The following CCS variants were observed in gnomAD, a reference collection of about 807,000 sequenced individuals.
CCS encodes superoxide dismutase copper chaperone.
Under a neutral mutation model 35.5 loss-of-function variants are expected in CCS, and 32 were observed. That is an observed-to-expected ratio of 0.90 (90% CI 0.68 to 1.21). The LOEUF (loss-of-function observed/expected upper bound fraction) is 1.21. Among genes scored for constraint, CCS ranks in the 50% most tolerant of loss-of-function variants. The pLI is 0.00. For missense variants in CCS, 342 were observed against 375.4 expected (o/e 0.91, Z 0.73); for synonymous variants, 130 against 147.2 (o/e 0.88, Z 0.84).
At chr11:66,596,063 A>G (rs1456303046) in intron 2 of CCS, among the ~76,000 whole-genome samples, 1 of 152,068 alleles carries the variant, frequency 6.6e-6, no homozygotes, top group African/African-American at 2.4e-5. Context: ...TGCCCCCTCT[A>G]ATAGCTTTTG....
At chr11:66,605,084 C>T in intron 5 of CCS, 1 of 1,450,910 alleles carries the variant, frequency 6.9e-7, no homozygotes, top group Non-Finnish European at 9.1e-7. Flanking sequence ...GTCATCCTGC[C>T]CAGGATTTCA....
chr11:66,599,475 AG>A lies in CCS; in HGVS notation c.268del (p.Val90TrpfsTer19). 3 of 1,540,988 alleles carry A rather than the reference AG, an allele frequency of 1.9e-6. No homozygotes were observed. In the Admixed American group the frequency reaches 6.6e-5, roughly 34 times the overall value. ...SGQLQNLGAAVAILGGPGTVQ... is the reference protein window; with the variant it reads ...SGQLQNLGAAXAILGGPGTVQ... The stretch of plus-strand genomic sequence containing the variant: ...ACCTTGCAGAGAATCTGGGGGCAGC[AG>A]TGGCCATCCTGGGGGGGCCTGGCAC... On this transcript the variant is annotated frameshift_variant, in exon 4 of 8. Transcript: ENST00000533244. LOFTEE classifies it high-confidence loss of function.
Position 66,605,354 on chromosome 11 carries a change from G to A in CCS, c.505G>A (p.Gly169Ser). 2 of 1,614,162 alleles carry A rather than the reference G, an allele frequency of 1.2e-6. No homozygotes were observed. Among genetic ancestry groups the A allele is most frequent in the East Asian group, 2.2e-5 (1 of 44,884 alleles). The change falls in exon 6 of 8, where the codon GGC (glycine) becomes AGC (serine). Residue 169 changes from glycine to serine, a missense_variant. Gly to Ser is a moderately conservative substitution (Grantham distance 56). Transcript: ENST00000533244. ...CTCATTCCAGCACCGCGGAGACCTGGGCAATGTCCGTGCTGATGCTGACGG... is the reference window on the plus strand; with the variant it reads ...CTCATTCCAGCACCGCGGAGACCTGAGCAATGTCCGTGCTGATGCTGACGG... ...QDSDRHRGDL[G>S]NVRADADGRA...
intron 1 of CCS, 129 bp downstream of exon 1, chr11:66,593,429 G>T: frequency 9.4e-7 from 1 of 1,067,086 alleles, no homozygotes. Context: ...GATGAAACTA[G>T]GGTGCGAGGG....
intron 2 of CCS, among the ~76,000 whole-genome samples, chr11:66,597,004 T>G (rs1335823514): frequency 6.6e-6 from 1 of 152,194 alleles, no homozygotes; most frequent in African/African-American, 2.4e-5. Context: ...TTCTCATCTG[T>G]AAAATGGGGA....
At chr11:66,603,307 G>A (rs548872216) in intron 5 of CCS, among the ~76,000 whole-genome samples, 1 of 152,350 alleles carries the variant, frequency 6.6e-6, no homozygotes, top group East Asian at 1.9e-4. Flanking sequence ...GGGCACAGTG[G>A]CTCACGCCTG....
Position 66,605,405 on chromosome 11 carries a change from G to A in CCS, c.556G>A (p.Glu186Lys). Residue 186 changes from glutamate to lysine, a missense_variant, in exon 6 of 8, where the codon GAG becomes AAG. By Grantham distance (56) the Glu-to-Lys change is moderately conservative (BLOSUM62 1). Coordinates refer to ENST00000533244, the MANE Select transcript of CCS (RefSeq NM_005125.2). ...DGRAIFRMED[E>K]QLKVWDVIGR... ...CCGCGCCATCTTCAGAATGGAGGAT[G>A]AGCAGCTGAAGGTAAGGTGGAAAAG... is the stretch of plus-strand genomic sequence containing the variant. 6.2e-7 allele frequency: 1 copy of A among 1,614,180 alleles called. No individual in the cohort carries two copies. The highest frequency in any genetic ancestry group is 8.5e-7 in the Non-Finnish European group (1 of 1,180,036).
At chr11:66,605,125 G>A in intron 5 of CCS, 2 of 1,523,582 alleles carry the variant, frequency 1.3e-6, no homozygotes, top group South Asian at 2.4e-5. Flanking sequence ...AGATGGTCCG[G>A]GACTTCCTGG....
chr11:66,599,723 C>T, intron 4 of CCS, 87 bp downstream of exon 4: 1 of 1,259,380 alleles, frequency 7.9e-7, no homozygotes, highest in Non-Finnish European at 1.1e-6. Context: ...GGCACATACA[C>T]ACAGGCACAA....
At chr11:66,595,118 G>T (rs1055823280) in intron 2 of CCS, among the ~76,000 whole-genome samples, 4 of 152,304 alleles carry the variant, frequency 2.6e-5, no homozygotes, top group Middle Eastern at 6.8e-3. Context: ...TGTTTCTTCT[G>T]TGTTAAATGG....
chr11:66,604,264 T>C (rs1007271680), intron 5 of CCS, among the ~76,000 whole-genome samples: 1 of 152,078 alleles, frequency 6.6e-6, no homozygotes, highest in Admixed American at 6.6e-5. Context: ...AAACCGCTCT[T>C]CAGGGCTCTG....
chr11:66,600,137 A>G (rs1447624302), intron 4 of CCS: 1 of 190,146 alleles, frequency 5.3e-6, no homozygotes, highest in Non-Finnish European at 1.1e-5. Flanking sequence ...TGTCTCAAGA[A>G]AAAAAATAAA....
chr11:66,596,302 T>C (rs1433990911), intron 2 of CCS, among the ~76,000 whole-genome samples: 1 of 152,058 alleles, frequency 6.6e-6, no homozygotes, highest in African/African-American at 2.4e-5. Context: ...CCTGGCCTCA[T>C]GTGATCCACC....
In CCS at chr11:66,599,508, G is replaced by C. The variant is rs1858537106; in HGVS notation, c.300G>C (p.Gln100His). 6.3e-7 allele frequency: 1 copy of C among 1,579,654 alleles called. No individual in the cohort carries two copies. Among genetic ancestry groups the C allele is most frequent in the Non-Finnish European group, 8.6e-7 (1 of 1,164,808 alleles). Residue 100 changes from glutamine to histidine, a missense_variant, in exon 4 of 8, where the codon CAG becomes CAC. Physicochemically the swap from Gln to His is conservative, Grantham distance 24. Coordinates refer to ENST00000533244, the MANE Select transcript of CCS (RefSeq NM_005125.2). ...TCCTGGGGGGGCCTGGCACCGTGCA[G>C]GGGGTGGTGCGCTTCCTACAGCTGA... ...VAILGGPGTV[Q>H]GVVRFLQLTP...
intron 4 of CCS, 123 bp from the exon 5 acceptor site, chr11:66,600,366 G>C: frequency 1.6e-6 from 1 of 606,774 alleles, no homozygotes; most frequent in Non-Finnish European, 2.8e-6. Context: ...GCCCAGCACA[G>C]AGTAGGCCTG....
intron 2 of CCS, among the ~76,000 whole-genome samples, chr11:66,594,225 G>C (rs1003473448): frequency 6.6e-6 from 1 of 152,162 alleles, no homozygotes; most frequent in Non-Finnish European, 1.5e-5. Context: ...CGGGCGTGGT[G>C]GTGGGCGCCT....
intron 4 of CCS, 41 bp downstream of exon 4, chr11:66,599,677 A>T (rs1410543946): frequency 1.3e-6 from 2 of 1,562,972 alleles, no homozygotes; most frequent in Non-Finnish European, 1.7e-6. Flanking sequence ...TCTCAGCTAC[A>T]CATTTTCACA....
chr11:66,599,436 C>A, intron 3 of CCS, 23 bp from the exon 4 acceptor site: 2 of 1,516,462 alleles, frequency 1.3e-6, no homozygotes, highest in South Asian at 1.3e-5. Flanking sequence ...GGCAAGCCAG[C>A]CCAAGTGTCT....
chr11:66,596,784 A>G (rs1030147674), intron 2 of CCS, among the ~76,000 whole-genome samples: 4 of 152,160 alleles, frequency 2.6e-5, no homozygotes, highest in African/African-American at 9.7e-5. Flanking sequence ...TGCAATGTGA[A>G]TTACAGGAGG....
Sources: allele counts gnomAD v4.1 joint callset (sites outside exome capture counted in the v4.1 genomes callset), GRCh38; gene constraint gnomAD v4.1.1; transcripts MANE v1.5; gene names NCBI Gene and HGNC (gene_info 2026-07-23, HGNC 2026-07-21).